The following TANC1 variants were observed in gnomAD, a reference collection of about 807,000 sequenced individuals.
TANC1 encodes the protein tetratricopeptide repeat, ankyrin repeat and coiled-coil containing 1.
Under a neutral mutation model 149.7 loss-of-function variants are expected in TANC1, and 77 were observed. The ratio of observed to expected loss-of-function variants is 0.51; its 90% CI spans 0.43 to 0.62. The LOEUF (loss-of-function observed/expected upper bound fraction) is 0.62. Ranked by LOEUF, TANC1 falls within the 20% of genes least tolerant of loss-of-function variation. TANC1 has a pLI of 0.00. For missense variants in TANC1, 1,985 were observed against 2,321.8 expected (o/e 0.85, Z 2.98); for synonymous variants, 854 against 925.0 (o/e 0.92, Z 1.39).
intron 3 of TANC1, among the ~76,000 whole-genome samples, chr2:159,086,548 C>G (rs1197266132): frequency 6.6e-6 from 1 of 152,174 alleles, no homozygotes; most frequent in Non-Finnish European, 1.5e-5. Flanking sequence ...TGGAAGAGGA[C>G]TCATGACAGC....
chr2:159,220,593 C>T (rs2150942417), intron 22 of TANC1, among the ~76,000 whole-genome samples: 1 of 148,030 alleles, frequency 6.8e-6, no homozygotes, highest in East Asian at 2.1e-4. Flanking sequence ...TAAGCCCCTG[C>T]ACCTGGCTTA....
chr2:159,210,231 C>T (rs957034473), intron 19 of TANC1, among the ~76,000 whole-genome samples: 2 of 152,116 alleles, frequency 1.3e-5, no homozygotes, highest in African/African-American at 2.4e-5. Context: ...CTGACCCTGC[C>T]GCCCTTCTCT....
intron 2 of TANC1, among the ~76,000 whole-genome samples, chr2:159,002,847 A>G (rs1326603682): frequency 6.6e-6 from 1 of 152,220 alleles, no homozygotes; most frequent in Non-Finnish European, 1.5e-5. Context: ...CTGTGATTAT[A>G]TAATAATTTT....
chr2:159,181,593 G>C (rs952139604), intron 14 of TANC1, among the ~76,000 whole-genome samples: 1 of 152,148 alleles, frequency 6.6e-6, no homozygotes, highest in Non-Finnish European at 1.5e-5. Context: ...CACTGCGCCC[G>C]GCCCCCTCGT....
chr2:159,134,811 A>G (rs2050495104), intron 4 of TANC1, among the ~76,000 whole-genome samples: 1 of 151,516 alleles, frequency 6.6e-6, no homozygotes. Context: ...TATAGAGACC[A>G]GGTCTTCACT....
chr2:159,193,891 G>A (rs1023796620), intron 16 of TANC1, among the ~76,000 whole-genome samples: 4 of 151,768 alleles, frequency 2.6e-5, no homozygotes, highest in African/African-American at 9.7e-5. Flanking sequence ...GTGTTGCCCA[G>A]GCTAGAGTGC....
At chr2:159,094,045 G>A (rs2045829045) in intron 3 of TANC1, among the ~76,000 whole-genome samples, 1 of 152,152 alleles carries the variant, frequency 6.6e-6, no homozygotes, top group African/African-American at 2.4e-5. Context: ...TTTATTTCTG[G>A]TGGTGGTACA....
chr2:159,045,469 G>GT (rs1445856863), intron 2 of TANC1, among the ~76,000 whole-genome samples: 1 of 151,832 alleles, frequency 6.6e-6, no homozygotes, highest in Non-Finnish European at 1.5e-5. Flanking sequence ...ATGATAAAGA[G>GT]TTTAAAGGAT....
At chr2:159,160,925 C>A (rs542070612) in intron 7 of TANC1, among the ~76,000 whole-genome samples, 3 of 152,284 alleles carry the variant, frequency 2.0e-5, no homozygotes, top group African/African-American at 7.2e-5. Context: ...CTTCCTCCCC[C>A]ACCCCTTTTC....
intron 7 of TANC1, 61 bp downstream of exon 7, chr2:159,150,617 A>G: frequency 1.5e-6 from 2 of 1,339,432 alleles, no homozygotes; most frequent in African/African-American, 2.9e-5. Flanking sequence ...AGCATTCACC[A>G]GGCACTTCCT....
intron 4 of TANC1, among the ~76,000 whole-genome samples, chr2:159,117,953 C>CTGGAGTTTTTCTGTACTGGAGTTTTTCTG (rs1559292549): frequency 4.1e-5 from 3 of 73,944 alleles, no homozygotes; most frequent in African/African-American, 8.3e-5. Flanking sequence ...GAGTTTTTCT[C>CTGGAGTTTTTCTGTACTGGAGTTTTTCTG]TACTGGAGTT....
intron 2 of TANC1, among the ~76,000 whole-genome samples, chr2:159,051,730 A>G (rs907521234): frequency 7.3e-5 from 11 of 151,394 alleles, no homozygotes. Context: ...AGTTTAGTTC[A>G]GAACTACCAC....
chr2:158,977,212 T>G (rs1240078378), intron 1 of TANC1, among the ~76,000 whole-genome samples: 1 of 152,148 alleles, frequency 6.6e-6, no homozygotes, highest in Non-Finnish European at 1.5e-5. Context: ...TGATGATAGT[T>G]CACTGCAGCC....
At chr2:159,096,593 G>A (rs1018199705) in intron 3 of TANC1, among the ~76,000 whole-genome samples, 1 of 152,222 alleles carries the variant, frequency 6.6e-6, no homozygotes, top group Non-Finnish European at 1.5e-5. Flanking sequence ...GGTAGCCCCT[G>A]CTGCTGTGTT....
intron 23 of TANC1, 192 bp from the exon 24 acceptor site, chr2:159,225,496 G>C: frequency 1.7e-6 from 1 of 604,306 alleles, no homozygotes; most frequent in Non-Finnish European, 3.0e-6. Flanking sequence ...AACAAGGACA[G>C]ATTTGAGTGC....
intron 7 of TANC1, among the ~76,000 whole-genome samples, chr2:159,161,114 A>G (rs529418771): frequency 1.9e-4 from 29 of 152,318 alleles, no homozygotes; most frequent in African/African-American, 7.0e-4. Context: ...TGGGTCCCTG[A>G]GGTCCTGATT....
chr2:159,153,189 G>A (rs1443045058), intron 7 of TANC1, among the ~76,000 whole-genome samples: 1 of 152,196 alleles, frequency 6.6e-6, no homozygotes, highest in Non-Finnish European at 1.5e-5. Context: ...GAGAGGGAAC[G>A]TTCAGTTTAT....
chr2:159,164,560 T>A (rs1235175033), intron 8 of TANC1, among the ~76,000 whole-genome samples: 9 of 152,184 alleles, frequency 5.9e-5, no homozygotes. Context: ...GGTTTCTAGT[T>A]TCTAAACTCC....
intron 2 of TANC1, among the ~76,000 whole-genome samples, chr2:159,007,565 C>G (rs1464102957): frequency 6.6e-6 from 1 of 152,148 alleles, no homozygotes; most frequent in African/African-American, 2.4e-5. Context: ...ATCCTAGGAG[C>G]AATAGTCTCT....
Sources: gnomAD v4.1 joint callset for allele counts (sites outside exome capture counted in the v4.1 genomes callset) on GRCh38, gnomAD v4.1.1 for gene constraint, MANE v1.5 for transcripts, NCBI Gene and HGNC (gene_info 2026-07-23, HGNC 2026-07-21) for gene names.